Variants in SUCLG2 observed in about 807,000 individuals in gnomAD.
SUCLG2 encodes succinate--CoA ligase [GDP-forming] subunit beta, mitochondrial.
In SUCLG2, 42 loss-of-function variants were observed where a neutral mutation model predicts 47.9. The observed-to-expected ratio is 0.88, with a 90% confidence interval of 0.69 to 1.14. The LOEUF (loss-of-function observed/expected upper bound fraction) is 1.14, where lower values mean the gene tolerates loss of function less well. Among genes scored for constraint, SUCLG2 ranks in the 50% most tolerant of loss-of-function variants. The pLI is 0.00. For missense variants in SUCLG2, 571 were observed against 525.9 expected (o/e 1.09, Z -0.84); for synonymous variants, 195 against 197.3 (o/e 0.99, Z 0.10).
intron 2 of SUCLG2, among the ~76,000 whole-genome samples, chr3:67,566,137 A>C (rs956571594): frequency 2.6e-5 from 4 of 152,192 alleles, no homozygotes; most frequent in African/African-American, 9.7e-5. Context: ...CTCAAGCATC[A>C]GGCAGCTGAT....
intron 5 of SUCLG2, among the ~76,000 whole-genome samples, chr3:67,520,127 T>C (rs1706054428): frequency 6.6e-6 from 1 of 152,202 alleles, no homozygotes. Flanking sequence ...TTCCGGATCA[T>C]ATATAATATT....
At chr3:67,532,143 G>GT (rs1706421585) in intron 2 of SUCLG2, among the ~76,000 whole-genome samples, 1 of 152,114 alleles carries the variant, frequency 6.6e-6, no homozygotes, top group Non-Finnish European at 1.5e-5. Context: ...TTTTATTTTT[G>GT]TTTTTTGTTT....
At chr3:67,439,423 A>G (rs1042336064) in intron 9 of SUCLG2, among the ~76,000 whole-genome samples, 6 of 152,226 alleles carry the variant, frequency 3.9e-5, no homozygotes, top group Non-Finnish European at 8.8e-5. Flanking sequence ...GTATTCAAAT[A>G]GGAAAAGAGG....
intron 9 of SUCLG2, among the ~76,000 whole-genome samples, chr3:67,402,297 T>C (rs945691042): frequency 2.1e-5 from 2 of 95,960 alleles, no homozygotes; most frequent in Non-Finnish European, 4.5e-5. Context: ...TCAGCAAGCA[T>C]TGATGAAAGT....
chr3:67,572,771 C>T (rs1707648060), intron 2 of SUCLG2, among the ~76,000 whole-genome samples: 1 of 152,032 alleles, frequency 6.6e-6, no homozygotes, highest in African/African-American at 2.4e-5. Flanking sequence ...AAGGAAGTCG[C>T]CTCTTACCGA....
chr3:67,444,031 T>A (rs372281696), intron 9 of SUCLG2, among the ~76,000 whole-genome samples: 15 of 91,390 alleles, frequency 1.6e-4, no homozygotes, highest in East Asian at 1.5e-3. Context: ...GCCCCCCGCC[T>A]GGCCAGCCGC....
At chr3:67,405,506 CACA>C (rs952549789) in intron 9 of SUCLG2, among the ~76,000 whole-genome samples, 7 of 152,232 alleles carry the variant, frequency 4.6e-5, no homozygotes, top group Non-Finnish European at 1.0e-4. Context: ...AATTCACAAA[CACA>C]ACATTTTTGG....
chr3:67,558,223 A>G (rs765405306), intron 2 of SUCLG2, among the ~76,000 whole-genome samples: 67 of 151,984 alleles, frequency 4.4e-4, no homozygotes, highest in Non-Finnish European at 9.0e-4. Flanking sequence ...TTTCCAATTA[A>G]TTTCATTTTC....
chr3:67,629,396 A>G (rs1575829212), intron 1 of SUCLG2, among the ~76,000 whole-genome samples: 1 of 152,202 alleles, frequency 6.6e-6, no homozygotes, highest in Admixed American at 6.5e-5. Context: ...AGTCACTAGA[A>G]CAACTCACAG....
At chr3:67,366,742 G>T (rs965082492) in intron 10 of SUCLG2, among the ~76,000 whole-genome samples, 1 of 152,168 alleles carries the variant, frequency 6.6e-6, no homozygotes, top group African/African-American at 2.4e-5. Context: ...CACTCTGTTA[G>T]AGTTTGGGAA....
chr3:67,629,475 G>C (rs1022127398), intron 1 of SUCLG2, among the ~76,000 whole-genome samples: 1 of 152,040 alleles, frequency 6.6e-6, no homozygotes, highest in Non-Finnish European at 1.5e-5. Flanking sequence ...CCAAATGGAA[G>C]AGATGCAATA....
At chr3:67,481,916 C>T (rs1470486914) in intron 9 of SUCLG2, among the ~76,000 whole-genome samples, 7 of 152,316 alleles carry the variant, frequency 4.6e-5, no homozygotes, top group South Asian at 4.1e-4. Context: ...TGGTGGCTCA[C>T]GCCTGTAATC....
At chr3:67,429,258 A>G (rs1703395105) in intron 9 of SUCLG2, among the ~76,000 whole-genome samples, 1 of 152,260 alleles carries the variant, frequency 6.6e-6, no homozygotes, top group Non-Finnish European at 1.5e-5. Flanking sequence ...ATCTCTCAGC[A>G]GAAACTCTAC....
chr3:67,397,159 G>T, intron 10 of SUCLG2, among the ~76,000 whole-genome samples: 1 of 151,914 alleles, frequency 6.6e-6, no homozygotes, highest in Non-Finnish European at 1.5e-5. Context: ...CATAGTGTTG[G>T]AAGTTCTGGC....
chr3:67,575,057 A>G (rs1707709855), intron 2 of SUCLG2, among the ~76,000 whole-genome samples: 1 of 152,214 alleles, frequency 6.6e-6, no homozygotes, highest in East Asian at 1.9e-4. Flanking sequence ...AAACAACAAA[A>G]GTTAGTGAGG....
chr3:67,487,547 A>G (rs1020254117), intron 9 of SUCLG2, among the ~76,000 whole-genome samples: 2 of 149,892 alleles, frequency 1.3e-5, no homozygotes, highest in Non-Finnish European at 3.0e-5. Flanking sequence ...TGTGTTCTAA[A>G]TCACTGTGAG....
At chr3:67,381,167 AC>A (rs1247438844) in intron 10 of SUCLG2, among the ~76,000 whole-genome samples, 1 of 150,668 alleles carries the variant, frequency 6.6e-6, no homozygotes, top group African/African-American at 2.5e-5. Context: ...ACAGAGTGAG[AC>A]CCACTTCTAT....
At chr3:67,497,439 A>G (rs1219259710) in intron 8 of SUCLG2, among the ~76,000 whole-genome samples, 1 of 152,196 alleles carries the variant, frequency 6.6e-6, no homozygotes, top group African/African-American at 2.4e-5. Context: ...TTGCTTCTAC[A>G]GACATTCTTA....
At chr3:67,393,743 C>A (rs1006302118) in intron 10 of SUCLG2, among the ~76,000 whole-genome samples, 1 of 152,192 alleles carries the variant, frequency 6.6e-6, no homozygotes, top group African/African-American at 2.4e-5. Context: ...TGACCCCTGA[C>A]CCCTGAGCAG....
Sources: allele counts gnomAD v4.1 joint callset (sites outside exome capture counted in the v4.1 genomes callset), GRCh38; gene constraint gnomAD v4.1.1; transcripts MANE v1.5; gene names NCBI Gene and HGNC (gene_info 2026-07-23, HGNC 2026-07-21).